Variants in HLA-DRB5 observed in about 807,000 individuals in gnomAD.
The protein encoded by HLA-DRB5 is major histocompatibility complex, class II, DR beta 5, also known as DR beta-5.
A neutral mutation model predicts 22.4 loss-of-function variants in HLA-DRB5; 11 were observed. The observed-to-expected ratio is 0.49, with a 90% CI of 0.31 to 0.81. The LOEUF (loss-of-function observed/expected upper bound fraction) is 0.81. HLA-DRB5 is among the 40% of genes least tolerant of loss of function. The pLI, the probability that HLA-DRB5 is intolerant of heterozygous loss-of-function variation, is 0.05. For synonymous variants in HLA-DRB5, 57 were observed against 106.0 expected (o/e 0.54, Z 2.84); for missense variants, 106 against 274.4 (o/e 0.39, Z 4.34).
intron 1 of HLA-DRB5, among the ~76,000 whole-genome samples, chr6:32,526,015 TG>T (rs1377082182): frequency 3.6e-4 from 32 of 87,794 alleles, no homozygotes; most frequent in East Asian, 8.8e-4. Context: ...CAGGTCCTCC[TG>T]CTTCTCTTCA....
chr6:32,524,760 C>A (rs988197999), intron 1 of HLA-DRB5, among the ~76,000 whole-genome samples: 1 of 98,958 alleles, frequency 1.0e-5, no homozygotes, highest in Non-Finnish European at 2.0e-5. Context: ...CTGTGGCTTG[C>A]ATGGCTAGCA....
chr6:32,521,892 C>A lies in HLA-DRB5; in HGVS notation c.370+13G>T, dbSNP rs199708823. ...CTCACAAGGACCCAGGCCCCGCCCC[C>A]CACCATGCTCACCTCGCCGCTGCAC... On this transcript the variant is annotated intron_variant, in intron 2 of 5. Transcript: ENST00000374975. 6.8e-3 allele frequency: 6,330 copies of A among 928,396 alleles called. 1,329 individuals are homozygous for A. The highest frequency in any genetic ancestry group is 0.04 in the South Asian group (2,700 of 67,380). The allele number at this position is 928,396 out of a possible 1,614,324, so 57.5% of individuals were successfully genotyped here.
chr6:32,528,930 C>T (rs111466684), intron 1 of HLA-DRB5, among the ~76,000 whole-genome samples: 3,235 of 93,610 alleles, frequency 0.035, 16 homozygotes, highest in East Asian at 0.049. Context: ...GTGACAGAGC[C>T]AGGCCCTATC....
chr6:32,521,186 A>G (rs1187497893), intron 2 of HLA-DRB5, among the ~76,000 whole-genome samples: 972 of 65,670 alleles, frequency 0.015, no homozygotes, highest in Non-Finnish European at 0.016. Context: ...GGTAAGTAGT[A>G]GAAAACTATT....
chr6:32,529,587 A>AGGG (rs1770096185), intron 1 of HLA-DRB5, among the ~76,000 whole-genome samples: 1 of 45,684 alleles, frequency 2.2e-5, no homozygotes, highest in Non-Finnish European at 4.4e-5. Context: ...CCTTGCATAC[A>AGGG]TTACAGGGTA....
intron 3 of HLA-DRB5, among the ~76,000 whole-genome samples, chr6:32,518,895 A>G (rs1428962434): frequency 3.4e-3 from 157 of 45,678 alleles, no homozygotes; most frequent in Admixed American, 4.7e-3. Context: ...GCACGGCTTC[A>G]ACATCTGATA....
At position 32,518,045 on chromosome 6, in the gene HLA-DRB5, A is replaced by G; in HGVS notation, c.787+9T>C. On this transcript the variant is annotated intron_variant, in intron 5 of 5. Transcript: ENST00000374975. ...AATCTGTTTCTAAAAGAGGATTAAA[A>G]GGTATTACCTGTTGGGTGAAGTCCA... 2.2e-6 allele frequency: 1 copy of G among 453,376 alleles called. No individual in the cohort carries two copies. The highest frequency in any genetic ancestry group is 3.1e-6 in the Non-Finnish European group (1 of 326,964). 28.1% of individuals were successfully genotyped at this position (453,376 alleles called of 1,614,324 possible).
rs534721704 is a variant in HLA-DRB5, at chr6:32,525,323, T to A, written c.101-3149A>T. On this transcript the variant is annotated intron_variant, in intron 1 of 5. Transcript: ENST00000374975. ...ACAGGATTTTTGTAAGTGTGAAATT[T>A]AATAAAGAGTCTTCTTAGCAGTGAT... 2.8e-4 allele frequency among the ~76,000 whole-genome samples: 9 copies of A among 32,356 alleles called. 1 individual carries two copies. The highest frequency in any genetic ancestry group is 8.3e-4 in the East Asian group (1 of 1,202). The allele number at this position is 32,356 out of a possible 152,430, so 21.2% of individuals were successfully genotyped here. A position where few individuals can be genotyped will look rare whatever the true frequency, so the allele number is the denominator to read the frequency against.
Position 32,530,182 on chromosome 6 carries a change from G to A in HLA-DRB5, c.43C>T (p.Leu15=), listed in dbSNP as rs1364253133. 2 of 1,404,386 alleles carry A rather than the reference G, an allele frequency of 1.4e-6. No homozygotes were observed. Among genetic ancestry groups the A allele is most frequent in the Non-Finnish European group, 1.9e-6 (2 of 1,028,030 alleles). The allele number at this position is 1,404,386 out of a possible 1,614,324, so 87.0% of individuals were successfully genotyped here. A position where few individuals can be genotyped will look rare whatever the true frequency, so the allele number is the denominator to read the frequency against. The change falls in exon 1 of 6, where the codon CTG becomes TTG. Residue 15 remains leucine, a synonymous_variant. Coordinates refer to ENST00000374975, the MANE Select transcript of HLA-DRB5 (RefSeq NM_002125.4). ...CTCAGCACCATCAGTGTCACTGTCAGCTTTGCCATGTAGGAACCTCCAGGG... is the reference window on the plus strand; with the variant it reads ...CTCAGCACCATCAGTGTCACTGTCAACTTTGCCATGTAGGAACCTCCAGGG... The part of the protein sequence containing the change: ...KLPGGSYMAK[L]TVTLMVLSSP...
At chr6:32,523,407 G>A (rs1769199883) in intron 1 of HLA-DRB5, among the ~76,000 whole-genome samples, 1 of 60,164 alleles carries the variant, frequency 1.7e-5, no homozygotes. Flanking sequence ...TTGTCTTTAT[G>A]TTTGATTGAA....
chr6:32,529,773 G>C (rs67449961), intron 1 of HLA-DRB5, among the ~76,000 whole-genome samples: 70,727 of 115,972 alleles, frequency 0.61, 17,595 homozygotes, highest in Admixed American at 0.62. Flanking sequence ...AAAAAAACTC[G>C]TTTTGTCTGA....
At chr6:32,525,578 A>G (rs1769505107) in intron 1 of HLA-DRB5, among the ~76,000 whole-genome samples, 1 of 123,706 alleles carries the variant, frequency 8.1e-6, no homozygotes, top group African/African-American at 3.4e-5. Flanking sequence ...CTCACACAAA[A>G]GGCACCTGCT....
At chr6:32,528,866 C>G (rs146270617) in intron 1 of HLA-DRB5, among the ~76,000 whole-genome samples, 1,123 of 16,298 alleles carry the variant, frequency 0.069, 340 homozygotes, top group Middle Eastern at 0.21. Flanking sequence ...TAGCTTGAGT[C>G]TTGGAGGCAG....
intron 1 of HLA-DRB5, among the ~76,000 whole-genome samples, chr6:32,523,846 A>G (rs73407203): frequency 0.23 from 18,366 of 79,282 alleles, 1,427 homozygotes; most frequent in Middle Eastern, 0.38. Context: ...ACAGTGTGAA[A>G]CAGTGCTCTC....
chr6:32,522,192 A>C lies in HLA-DRB5; in HGVS notation c.101-18T>G, dbSNP rs114810729. On this transcript the variant is annotated intron_variant, in intron 1 of 5. Coordinates refer to ENST00000374975, the MANE Select transcript of HLA-DRB5 (RefSeq NM_002125.4). ...GAAACGTGCTGTGGGGACACGAAGG[A>C]TCCGGTCACAGGGGCGGCCTCCGGG... 12,087 of 723,874 alleles carry C rather than the reference A, an allele frequency of 0.017. 167 individuals are homozygous for C. The highest frequency in any genetic ancestry group is 0.057 in the South Asian group (3,043 of 53,184). 44.8% of individuals were successfully genotyped at this position (723,874 alleles called of 1,614,324 possible). A position where few individuals can be genotyped will look rare whatever the true frequency, so the allele number is the denominator to read the frequency against.
intron 1 of HLA-DRB5, among the ~76,000 whole-genome samples, chr6:32,524,291 A>G (rs1769316528): frequency 0.034 from 3,480 of 101,502 alleles, no homozygotes; most frequent in Admixed American, 0.044. Context: ...CCAACCAGTC[A>G]CCAAATCATA....
intron 2 of HLA-DRB5, among the ~76,000 whole-genome samples, chr6:32,519,874 C>A (rs561567019): frequency 5.2e-3 from 489 of 93,200 alleles, no homozygotes; most frequent in Non-Finnish European, 6.0e-3. Context: ...TTCTTCATCA[C>A]TTGAAATTGG....
chr6:32,523,603 A>C (rs796578192), intron 1 of HLA-DRB5, among the ~76,000 whole-genome samples: 269 of 87,158 alleles, frequency 3.1e-3, no homozygotes, highest in East Asian at 7.7e-3. Flanking sequence ...GTTGAAAGTT[A>C]ATAGAGGTAG....
At chr6:32,519,303 C>T (rs114746879) in intron 3 of HLA-DRB5, 67 bp downstream of exon 3, 118,143 of 720,796 alleles carry the variant, frequency 0.16, 233 homozygotes, top group Admixed American at 0.27. Context: ...AGAAACCTGA[C>T]ACTCAGGGAT....
Sources: allele counts gnomAD v4.1 joint callset (sites outside exome capture counted in the v4.1 genomes callset), GRCh38; gene constraint gnomAD v4.1.1; transcripts MANE v1.5; gene names NCBI Gene and HGNC (gene_info 2026-07-23, HGNC 2026-07-21).